The following PCSK5 variants were observed in gnomAD, a reference collection of about 807,000 sequenced individuals.
The protein encoded by PCSK5 is prohormone convertase 5.
A neutral mutation model predicts 233.2 loss-of-function variants in PCSK5; 129 were observed. The observed-to-expected ratio is 0.55, with a 90% CI of 0.48 to 0.64. The LOEUF (loss-of-function observed/expected upper bound fraction) is 0.64. PCSK5 is among the 30% of genes least tolerant of loss of function. PCSK5 has a pLI of 0.00. For missense variants in PCSK5, 2,076 were observed against 2,430.1 expected (o/e 0.85, Z 3.06); for synonymous variants, 825 against 879.2 (o/e 0.94, Z 1.09).
chr9:76,043,921 A>G (rs183592581), intron 5 of PCSK5, among the ~76,000 whole-genome samples: 22 of 152,246 alleles, frequency 1.4e-4, no homozygotes, highest in African/African-American at 4.8e-4. Context: ...ATTTTAGCCA[A>G]AATCAGTCAG....
intron 2 of PCSK5, among the ~76,000 whole-genome samples, chr9:75,979,599 A>G (rs1198880115): frequency 1.3e-5 from 2 of 152,222 alleles, no homozygotes; most frequent in South Asian, 2.1e-4. Context: ...AGGGATTGCA[A>G]TAGGCATCTG....
At chr9:76,104,283 C>T (rs903258900) in intron 8 of PCSK5, among the ~76,000 whole-genome samples, 2 of 152,144 alleles carry the variant, frequency 1.3e-5, no homozygotes, top group Admixed American at 1.3e-4. Context: ...GCTGGAATTT[C>T]CATTTCAAGC....
At chr9:76,105,241 A>G (rs1831929364) in intron 8 of PCSK5, among the ~76,000 whole-genome samples, 1 of 152,204 alleles carries the variant, frequency 6.6e-6, no homozygotes, top group African/African-American at 2.4e-5. Flanking sequence ...AATATGGATA[A>G]ACCTTGAGGA....
At chr9:75,914,954 A>G (rs1430741415) in intron 1 of PCSK5, among the ~76,000 whole-genome samples, 1 of 152,136 alleles carries the variant, frequency 6.6e-6, no homozygotes, top group Non-Finnish European at 1.5e-5. Flanking sequence ...TAAATATTCC[A>G]CACTTTGATA....
At chr9:76,301,221 G>A (rs563078634) in intron 27 of PCSK5, among the ~76,000 whole-genome samples, 10 of 147,816 alleles carry the variant, frequency 6.8e-5, no homozygotes, top group African/African-American at 2.3e-4. Context: ...GCAGTGAGCC[G>A]AGATCACACC....
At chr9:76,281,455 T>C (rs1272922305) in intron 24 of PCSK5, among the ~76,000 whole-genome samples, 3 of 152,222 alleles carry the variant, frequency 2.0e-5, no homozygotes, top group Non-Finnish European at 2.9e-5. Flanking sequence ...GTTTACAGAA[T>C]GGTTACTGAA....
intron 7 of PCSK5, among the ~76,000 whole-genome samples, chr9:76,072,439 A>G (rs1004831361): frequency 1.3e-5 from 2 of 152,204 alleles, no homozygotes; most frequent in African/African-American, 4.8e-5. Context: ...AAAACTAACC[A>G]TATAATCTAA....
Position 76,296,793 on chromosome 9 carries a change from G to C in PCSK5, c.3451G>C (p.Glu1151Gln). 2.5e-6 allele frequency: 4 copies of C among 1,611,604 alleles called. No homozygotes were observed. The highest frequency in any genetic ancestry group is 3.4e-6 in the Non-Finnish European group (4 of 1,178,802). The change falls in exon 27 of 38, where the codon GAA (glutamate) becomes CAA (glutamine). Residue 1151 changes from glutamate (E) to glutamine (Q), a missense_variant. This residue lies in a region of PCSK5 where 1,510 missense variants were observed against 1,538.1 expected (regional missense o/e 0.98). Coordinates refer to ENST00000674117, the MANE Select transcript of PCSK5 (RefSeq NM_001372043.1). Reference sequence around the variant, plus strand: ...TCATGACGAGTGCAGCAGCTGCCAGGAAGGACTGCAGCTGCTGCGTGGGAT... The same window carrying C: ...TCATGACGAGTGCAGCAGCTGCCAGCAAGGACTGCAGCTGCTGCGTGGGAT... ...PGHDECSSCQ[E>Q]GLQLLRGMCV...
intron 20 of PCSK5, among the ~76,000 whole-genome samples, chr9:76,209,341 G>T (rs898084568): frequency 1.3e-5 from 2 of 152,090 alleles, no homozygotes; most frequent in Admixed American, 6.5e-5. Context: ...TGCTTGCCCT[G>T]TTCAGCTTTT....
intron 27 of PCSK5, among the ~76,000 whole-genome samples, chr9:76,300,912 C>T (rs891727269): frequency 3.9e-5 from 6 of 152,180 alleles, no homozygotes; most frequent in Admixed American, 6.5e-5. Context: ...CTATTTGACT[C>T]GGTCCAGTTT....
intron 1 of PCSK5, among the ~76,000 whole-genome samples, chr9:75,899,256 A>T (rs1462810255): frequency 6.6e-6 from 1 of 152,222 alleles, no homozygotes; most frequent in African/African-American, 2.4e-5. Flanking sequence ...TAGGCTCAGC[A>T]TTAGTTTATA....
chr9:76,116,397 A>G (rs1832425605), intron 9 of PCSK5, among the ~76,000 whole-genome samples: 2 of 152,126 alleles, frequency 1.3e-5, no homozygotes, highest in African/African-American at 2.4e-5. Flanking sequence ...TGTGACTAAG[A>G]TGAAGTAAAA....
At chr9:76,196,056 G>A (rs921053073) in intron 20 of PCSK5, among the ~76,000 whole-genome samples, 3 of 152,276 alleles carry the variant, frequency 2.0e-5, no homozygotes, top group Middle Eastern at 3.4e-3. Flanking sequence ...TTGAGAAGGA[G>A]TGAGAAACAG....
At chr9:76,315,990 C>T (rs1829018833) in intron 30 of PCSK5, among the ~76,000 whole-genome samples, 1 of 136,752 alleles carries the variant, frequency 7.3e-6, no homozygotes, top group African/African-American at 2.7e-5. Flanking sequence ...TTCAGCATCT[C>T]ATCCAACATC....
In PCSK5 at chr9:76,351,533, G is replaced by GAAAGAAAGAAAGA. The variant is rs1354864321; in HGVS notation, c.5067+607_5067+608insAGAAAGAAAGAAA. 8.3e-3 allele frequency among the ~76,000 whole-genome samples: 132 copies of GAAAGAAAGAAAGA among 15,820 alleles called. 27 individuals are homozygous for GAAAGAAAGAAAGA. Among genetic ancestry groups the GAAAGAAAGAAAGA allele is most frequent in the Non-Finnish European group, 0.024 (89 of 3,700 alleles). The allele number at this position is 15,820 out of a possible 152,430, so 10.4% of individuals were successfully genotyped here. On this transcript the variant is annotated intron_variant, in intron 36 of 37. Transcript: ENST00000674117. ...GAAAGAAAGAAAGAAAGAAAGAAAG[G>GAAAGAAAGAAAGA]AAGGAAAGAAAGAGAAAGAAGAGAG...
chr9:76,192,731 CATAAGT>C (rs1385490792), intron 20 of PCSK5, among the ~76,000 whole-genome samples: 2 of 152,102 alleles, frequency 1.3e-5, no homozygotes, highest in African/African-American at 2.4e-5. Flanking sequence ...CAGAATGTTA[CATAAGT>C]ATAACAAATA....
intron 8 of PCSK5, among the ~76,000 whole-genome samples, chr9:76,097,981 A>G (rs1041108973): frequency 1.3e-5 from 2 of 152,200 alleles, no homozygotes; most frequent in South Asian, 2.1e-4. Flanking sequence ...TAACAGATCT[A>G]CGCAGGTTGG....
chr9:76,093,003 A>G (rs1395010545), intron 7 of PCSK5, among the ~76,000 whole-genome samples: 2 of 151,744 alleles, frequency 1.3e-5, no homozygotes, highest in African/African-American at 4.8e-5. Context: ...GATAACTTCA[A>G]TTACATTTTC....
chr9:76,257,453 C>T (rs866093555), intron 24 of PCSK5, among the ~76,000 whole-genome samples: 16 of 152,140 alleles, frequency 1.1e-4, no homozygotes, highest in African/African-American at 3.9e-4. Flanking sequence ...CAGTAAATTG[C>T]CTCTGCACCT....
Sources: gnomAD v4.1 joint callset for allele counts (sites outside exome capture counted in the v4.1 genomes callset) on GRCh38, gnomAD v4.1.1 for gene constraint, gnomAD v4.1.1 regional missense constraint, MANE v1.5 for transcripts, NCBI Gene and HGNC (gene_info 2026-07-23, HGNC 2026-07-21) for gene names.